DIP2C: variants seen among roughly 807,000 people sequenced by gnomAD.
The protein encoded by DIP2C is disco-interacting protein 2 homolog C.
Under a neutral mutation model 192.4 loss-of-function variants are expected in DIP2C, and 33 were observed. That is an observed-to-expected ratio of 0.17 (90% CI 0.13 to 0.23). The LOEUF (loss-of-function observed/expected upper bound fraction) is 0.23. DIP2C is among the 10% of genes least tolerant of loss of function. DIP2C has a pLI of 1.00. For missense variants in DIP2C, 1,537 were observed against 2,110.1 expected (o/e 0.73, Z 5.32); for synonymous variants, 979 against 864.1 (o/e 1.13, Z -2.33).
chr10:569,556 G>A (rs1170751925), intron 1 of DIP2C, among the ~76,000 whole-genome samples: 3 of 152,084 alleles, frequency 2.0e-5, no homozygotes, highest in African/African-American at 7.2e-5. Flanking sequence ...CAGTGAAATT[G>A]GGAATAACAT....
rs1386154223 is a variant in DIP2C, at chr10:349,184, G to A, written c.3109+147C>T. 17 of 1,150,792 alleles carry A rather than the reference G, an allele frequency of 1.5e-5. 1 individual carries two copies. Among genetic ancestry groups the A allele is most frequent in the Middle Eastern group, 2.9e-4 (1 of 3,390 alleles). 71.3% of individuals were successfully genotyped at this position (1,150,792 alleles called of 1,614,324 possible). A position where few individuals can be genotyped will look rare whatever the true frequency, so the allele number is the denominator to read the frequency against. On this transcript the variant is annotated intron_variant, in intron 25 of 36. Coordinates refer to ENST00000280886, the MANE Select transcript of DIP2C (RefSeq NM_014974.3). Reference sequence around the variant, plus strand: ...TGAGTGGTCGTAGCCAGACACAAACGGGCTGGTTAGCATCCAGCTGGATAC... The same window carrying A: ...TGAGTGGTCGTAGCCAGACACAAACAGGCTGGTTAGCATCCAGCTGGATAC...
chr10:550,006 C>CTT (rs11461177), intron 1 of DIP2C, among the ~76,000 whole-genome samples: 1,520 of 134,740 alleles, frequency 0.011, 26 homozygotes, highest in African/African-American at 0.027. Flanking sequence ...GGACGTGTAG[C>CTT]TTTTTTTTTT....
At chr10:479,910 GCTCCGGTCC>G (rs1843463819) in intron 2 of DIP2C, among the ~76,000 whole-genome samples, 3 of 151,122 alleles carry the variant, frequency 2.0e-5, no homozygotes, top group South Asian at 2.1e-4. Flanking sequence ...GCCAGCCTGA[GCTCCGGTCC>G]ATGCTCACTG....
At chr10:387,692 G>T in intron 14 of DIP2C, 53 bp downstream of exon 14, 1 of 1,557,858 alleles carries the variant, frequency 6.4e-7, no homozygotes, top group Non-Finnish European at 8.9e-7. Context: ...GACAGGCAGG[G>T]CAGGGTGGGG....
intron 4 of DIP2C, among the ~76,000 whole-genome samples, chr10:436,864 G>A (rs539553644): frequency 1.4e-5 from 2 of 141,716 alleles, no homozygotes; most frequent in East Asian, 2.2e-4. Flanking sequence ...TCCACCTCCT[G>A]GACATGGTAG....
chr10:440,734 G>C, intron 4 of DIP2C, 137 bp downstream of exon 4: 1 of 1,289,508 alleles, frequency 7.8e-7, no homozygotes, highest in Non-Finnish European at 1.0e-6. Context: ...ATACAACACT[G>C]TTTTTGGACT....
intron 1 of DIP2C, among the ~76,000 whole-genome samples, chr10:571,219 A>G (rs1020809437): frequency 2.0e-5 from 3 of 152,260 alleles, no homozygotes; most frequent in African/African-American, 7.2e-5. Context: ...TTCTCTCTCC[A>G]ACCTGACAGC....
chr10:556,873 C>A (rs1848905872), intron 1 of DIP2C, among the ~76,000 whole-genome samples: 1 of 152,206 alleles, frequency 6.6e-6, no homozygotes, highest in Non-Finnish European at 1.5e-5. Flanking sequence ...GCACCTGAGT[C>A]CTTCGTAGCC....
chr10:514,769 C>T (rs1356591678), intron 1 of DIP2C, among the ~76,000 whole-genome samples: 3 of 152,190 alleles, frequency 2.0e-5, no homozygotes, highest in Non-Finnish European at 4.4e-5. Flanking sequence ...CCAACATTCA[C>T]GTAATCACCA....
chr10:283,339 C>G lies in DIP2C; in HGVS notation c.4227G>C (p.Gln1409His). 1.9e-6 allele frequency: 3 copies of G among 1,614,126 alleles called. No homozygotes were observed. The highest frequency in any genetic ancestry group is 2.2e-5 in the East Asian group (1 of 44,880). The part of the protein sequence containing the change: ...FNSRLSFGDT[Q>H]TIWARTGYLG... ...AGTAGCCTGTGCGTGCCCAGATGGT[C>G]TGGGTGTCTCCAAAACTTAGTCTTG... Residue 1409 changes from glutamine to histidine, a missense_variant, in exon 35 of 37, where the codon CAG (glutamine) becomes CAC (histidine). Coordinates refer to ENST00000280886, the MANE Select transcript of DIP2C (RefSeq NM_014974.3).
At chr10:524,604 A>G (rs1281177857) in intron 1 of DIP2C, among the ~76,000 whole-genome samples, 3 of 152,192 alleles carry the variant, frequency 2.0e-5, no homozygotes, top group Admixed American at 1.3e-4. Context: ...AATTCTATAC[A>G]AAGACATAAC....
At chr10:624,471 C>G (rs983492750) in intron 1 of DIP2C, among the ~76,000 whole-genome samples, 1 of 152,208 alleles carries the variant, frequency 6.6e-6, no homozygotes, top group Admixed American at 6.5e-5. Flanking sequence ...GTGCCTCACT[C>G]AAGAGGCACA....
At chr10:331,507 C>G (rs1957508156) in intron 29 of DIP2C, among the ~76,000 whole-genome samples, 1 of 152,152 alleles carries the variant, frequency 6.6e-6, no homozygotes, top group Non-Finnish European at 1.5e-5. Flanking sequence ...GCATCTATAC[C>G]TAACTTGTAG....
In DIP2C at chr10:574,312, TTAAA is replaced by T. The variant is rs373546175; in HGVS notation, c.86-87786_86-87783del. 5.6e-4 allele frequency among the ~76,000 whole-genome samples: 85 copies of T among 152,338 alleles called. 1 individual carries two copies. The highest frequency in any genetic ancestry group is 2.0e-3 in the African/African-American group (83 of 41,576). The stretch of plus-strand genomic sequence containing the variant: ...AAAACCCACTGTTATCTTTCCGCAA[TTAAA>T]TAACCAAGGATAGGAAACTGCACGG... On this transcript the variant is annotated intron_variant, in intron 1 of 36. Transcript: ENST00000280886.
At chr10:361,402 C>T (rs1188819912) in intron 22 of DIP2C, among the ~76,000 whole-genome samples, 16 of 152,146 alleles carry the variant, frequency 1.1e-4, no homozygotes, top group Admixed American at 9.8e-4. Flanking sequence ...TGCTCTCTCT[C>T]GCCTGGGTTT....
intron 1 of DIP2C, among the ~76,000 whole-genome samples, chr10:537,147 C>A (rs1847737572): frequency 6.6e-6 from 1 of 152,106 alleles, no homozygotes; most frequent in African/African-American, 2.4e-5. Flanking sequence ...AGTTTGACAA[C>A]CTGACCACCC....
chr10:499,916 A>G (rs905080979), intron 1 of DIP2C, among the ~76,000 whole-genome samples: 1 of 152,206 alleles, frequency 6.6e-6, no homozygotes, highest in African/African-American at 2.4e-5. Flanking sequence ...TTAATAGCCT[A>G]GGTGCTGACT....
At chr10:647,273 G>T (rs1196148685) in intron 1 of DIP2C, among the ~76,000 whole-genome samples, 1 of 151,498 alleles carries the variant, frequency 6.6e-6, no homozygotes. Context: ...TGGACGGTGG[G>T]AGAGAACAGA....
At chr10:508,474 C>T (rs1379186105) in intron 1 of DIP2C, among the ~76,000 whole-genome samples, 1 of 152,180 alleles carries the variant, frequency 6.6e-6, no homozygotes, top group Non-Finnish European at 1.5e-5. Flanking sequence ...ATACCGCATC[C>T]GGCCCAGCAT....
Sources: allele counts gnomAD v4.1 joint callset (sites outside exome capture counted in the v4.1 genomes callset), GRCh38; gene constraint gnomAD v4.1.1; transcripts MANE v1.5; gene names NCBI Gene and HGNC (gene_info 2026-07-23, HGNC 2026-07-21).